Variants in SLC9A9 observed in about 807,000 individuals in gnomAD.
SLC9A9 encodes solute carrier family 9 member A9.
Under a neutral mutation model 77.8 loss-of-function variants are expected in SLC9A9, and 62 were observed. The ratio of observed to expected loss-of-function variants is 0.80; its 90% confidence interval spans 0.65 to 0.98. The LOEUF (loss-of-function observed/expected upper bound fraction) is 0.98. Ranked by LOEUF, SLC9A9 falls within the 50% of genes least tolerant of loss-of-function variation. The pLI is 0.00. For missense variants in SLC9A9, 775 were observed against 774.9 expected, an observed-to-expected ratio of 1.00 and a Z score of 0.00; for synonymous variants, 320 against 283.5, an observed-to-expected ratio of 1.13 and a Z score of -1.29.
intron 4 of SLC9A9, among the ~76,000 whole-genome samples, chr3:143,705,309 G>A (rs759597327): frequency 2.6e-4 from 40 of 152,002 alleles, no homozygotes; most frequent in Non-Finnish European, 3.1e-4. Context: ...GGTAGTGGGG[G>A]TGTGGAGGAG....
At chr3:143,360,050 G>T (rs1277734048) in intron 14 of SLC9A9, among the ~76,000 whole-genome samples, 1 of 152,200 alleles carries the variant, frequency 6.6e-6, no homozygotes, top group Non-Finnish European at 1.5e-5. Flanking sequence ...TACAGGTAGA[G>T]TAAGAGATAT....
chr3:143,486,993 G>T (rs2035663178), intron 11 of SLC9A9, among the ~76,000 whole-genome samples: 1 of 151,910 alleles, frequency 6.6e-6, no homozygotes, highest in African/African-American at 2.4e-5. Flanking sequence ...TGGCAGAATG[G>T]ATGAAAACAT....
chr3:143,689,700 GTTCCCAGCTGAGAA>G (rs1933395603), intron 5 of SLC9A9, among the ~76,000 whole-genome samples: 1 of 152,034 alleles, frequency 6.6e-6, no homozygotes, highest in African/African-American at 2.4e-5. Flanking sequence ...GTGGGCCACT[GTTCCCAGCTGAGAA>G]AGATTCTTAT....
At chr3:143,575,050 G>A (rs1301817334) in intron 7 of SLC9A9, among the ~76,000 whole-genome samples, 2 of 152,172 alleles carry the variant, frequency 1.3e-5, no homozygotes, top group Non-Finnish European at 2.9e-5. Context: ...GGAGCAGGGA[G>A]CAAAAGTGTG....
At chr3:143,674,906 G>A (rs536394177) in intron 5 of SLC9A9, among the ~76,000 whole-genome samples, 37 of 152,224 alleles carry the variant, frequency 2.4e-4, no homozygotes, top group African/African-American at 8.7e-4. Flanking sequence ...ACTCAGAAAA[G>A]CAAATATTTC....
chr3:143,499,700 C>T (rs1461229129), intron 9 of SLC9A9, among the ~76,000 whole-genome samples: 2 of 151,976 alleles, frequency 1.3e-5, no homozygotes, highest in Non-Finnish European at 2.9e-5. Flanking sequence ...GTTTTTTTCC[C>T]AATCTCAAAA....
chr3:143,449,812 T>TTA (rs1296335594), intron 12 of SLC9A9, among the ~76,000 whole-genome samples: 1 of 66,952 alleles, frequency 1.5e-5, no homozygotes, highest in African/African-American at 9.2e-5. Flanking sequence ...ATATATATAA[T>TTA]TATATATTTA....
intron 2 of SLC9A9, among the ~76,000 whole-genome samples, chr3:143,814,034 T>G (rs1053406422): frequency 6.6e-6 from 1 of 152,164 alleles, no homozygotes. Flanking sequence ...TCACTCAACA[T>G]GTGTTTCCTT....
chr3:143,389,939 A>G (rs967408069), intron 12 of SLC9A9, among the ~76,000 whole-genome samples: 3 of 152,220 alleles, frequency 2.0e-5, no homozygotes, highest in Non-Finnish European at 4.4e-5. Context: ...AAGCCCCTCC[A>G]TGGGAGATGC....
rs539505390 is a variant in SLC9A9 at position 143,711,177 on chromosome 3, C to T, written c.534-17870G>A. ...TTTTTGAAACCTTTTAAATCTAGAA[C>T]GGAGAGCTTCAACTGGTCTGTTTTG... On this transcript the variant is annotated intron_variant, in intron 4 of 15. Transcript: ENST00000316549. Among the ~76,000 whole-genome samples, 40 of 152,252 alleles carry T rather than the reference C, an allele frequency of 2.6e-4. No homozygotes were observed. The East Asian group carries it at 5.2e-3, about 20-fold the overall frequency.
At chr3:143,418,324 AAAG>A in intron 12 of SLC9A9, among the ~76,000 whole-genome samples, 1 of 152,080 alleles carries the variant, frequency 6.6e-6, no homozygotes. Flanking sequence ...GCCTTGTTGT[AAAG>A]AATAAGAAAG....
At chr3:143,555,191 G>T (rs2036959280) in intron 8 of SLC9A9, among the ~76,000 whole-genome samples, 1 of 152,070 alleles carries the variant, frequency 6.6e-6, no homozygotes, top group Non-Finnish European at 1.5e-5. Flanking sequence ...TTTTATAAGG[G>T]GTTTCCCCTT....
chr3:143,562,565 T>C (rs920565509), intron 8 of SLC9A9, among the ~76,000 whole-genome samples: 1 of 151,876 alleles, frequency 6.6e-6, no homozygotes, highest in African/African-American at 2.4e-5. Flanking sequence ...TATGCTTAAT[T>C]GTCAAACTAT....
At chr3:143,520,233 G>A (rs2036272866) in intron 9 of SLC9A9, among the ~76,000 whole-genome samples, 1 of 152,202 alleles carries the variant, frequency 6.6e-6, no homozygotes, top group African/African-American at 2.4e-5. Context: ...AATCCCTACT[G>A]TGATGGTATT....
At chr3:143,443,162 G>C (rs140755333) in intron 12 of SLC9A9, among the ~76,000 whole-genome samples, 36 of 152,142 alleles carry the variant, frequency 2.4e-4, no homozygotes, top group Middle Eastern at 6.8e-3. Context: ...TTAGGGCTTG[G>C]GGGTGTGGGG....
At chr3:143,520,101 A>T (rs1485288912) in intron 9 of SLC9A9, among the ~76,000 whole-genome samples, 1 of 152,250 alleles carries the variant, frequency 6.6e-6, no homozygotes, top group Non-Finnish European at 1.5e-5. Context: ...CAGATCATCT[A>T]GGAAATGAGT....
intron 4 of SLC9A9, among the ~76,000 whole-genome samples, chr3:143,764,827 G>A (rs995706080): frequency 3.9e-5 from 6 of 151,994 alleles, no homozygotes; most frequent in Non-Finnish European, 8.8e-5. Context: ...TCCTCCCACT[G>A]TGGCCTTCCA....
chr3:143,788,676 G>A (rs1156361668), intron 4 of SLC9A9, among the ~76,000 whole-genome samples: 1 of 115,120 alleles, frequency 8.7e-6, no homozygotes, highest in Non-Finnish European at 1.7e-5. Flanking sequence ...GGGCGACAGA[G>A]TGAGACTCCA....
chr3:143,665,273 T>C (rs544670852), intron 5 of SLC9A9, among the ~76,000 whole-genome samples: 17 of 152,342 alleles, frequency 1.1e-4, no homozygotes, highest in African/African-American at 3.8e-4. Flanking sequence ...AATAAAGATG[T>C]TCTTTGAAAT....
Sources: gnomAD v4.1 joint callset for allele counts (sites outside exome capture counted in the v4.1 genomes callset) on GRCh38, gnomAD v4.1.1 for gene constraint, MANE v1.5 for transcripts, NCBI Gene and HGNC (gene_info 2026-07-23, HGNC 2026-07-21) for gene names.